RALGAPA2: variants seen among roughly 807,000 people sequenced by gnomAD.
The protein encoded by RALGAPA2 is ral GTPase-activating protein subunit alpha-2.
In RALGAPA2, 139 loss-of-function variants were observed where a neutral mutation model predicts 230.4. That is an observed-to-expected ratio of 0.60 (90% CI 0.53 to 0.69). The LOEUF (loss-of-function observed/expected upper bound fraction) is 0.69. Among genes scored for constraint, RALGAPA2 ranks in the 30% least tolerant of loss-of-function variants. The pLI is 0.00. For synonymous variants in RALGAPA2, 847 were observed against 837.8 expected (o/e 1.01, Z -0.19); for missense variants, 2,163 against 2,276.0 (o/e 0.95, Z 1.01).
chr20:20,395,094 G>T (rs552979673), intron 39 of RALGAPA2, among the ~76,000 whole-genome samples: 10 of 152,190 alleles, frequency 6.6e-5, no homozygotes, highest in African/African-American at 2.4e-4. Flanking sequence ...GCTTTGTCCC[G>T]CTGAGTGAGC....
intron 39 of RALGAPA2, among the ~76,000 whole-genome samples, chr20:20,395,964 G>A (rs1252610161): frequency 2.6e-5 from 4 of 152,308 alleles, no homozygotes; most frequent in Middle Eastern, 3.4e-3. Context: ...CCAACTGCTC[G>A]CCTTCCGCCT....
Position 20,584,760 on chromosome 20 carries a change from G to A in RALGAPA2, c.2530+105C>T, listed in dbSNP as rs774338483. The A allele has an allele frequency of 1.7e-4, 151 of 914,680 alleles. 1 individual carries two copies. Among genetic ancestry groups the A allele is most frequent in the Admixed American group, 1.0e-3 (40 of 39,350 alleles). 56.7% of individuals were successfully genotyped at this position (914,680 alleles called of 1,614,324 possible). ...TGTGCCAGAGCACTCCAGCCTGGGC[G>A]AAAGAGTGAGACTGAGTCTCTAATA... On this transcript the variant is annotated intron_variant, in intron 19 of 39. Transcript: ENST00000202677.
At chr20:20,460,257 C>T (rs984885252) in intron 37 of RALGAPA2, among the ~76,000 whole-genome samples, 1 of 152,194 alleles carries the variant, frequency 6.6e-6, no homozygotes. Context: ...ATACTTCATT[C>T]CATACATCCT....
chr20:20,589,826 A>G (rs2065234706), intron 17 of RALGAPA2, among the ~76,000 whole-genome samples: 2 of 152,134 alleles, frequency 1.3e-5, no homozygotes, highest in African/African-American at 4.8e-5. Context: ...CAAAGCCTGA[A>G]AACACTAAAG....
chr20:20,664,626 C>T (rs1487856226), intron 3 of RALGAPA2, among the ~76,000 whole-genome samples: 2 of 152,172 alleles, frequency 1.3e-5, no homozygotes, highest in Admixed American at 1.3e-4. Flanking sequence ...TGCCTGAAAA[C>T]TACTGCATTT....
At chr20:20,675,664 C>T (rs985477577) in intron 3 of RALGAPA2, among the ~76,000 whole-genome samples, 2 of 152,108 alleles carry the variant, frequency 1.3e-5, no homozygotes, top group South Asian at 2.1e-4. Flanking sequence ...CACACCCAAA[C>T]ATTGTTTCAA....
At chr20:20,507,747 G>A (rs1467671350) in intron 33 of RALGAPA2, among the ~76,000 whole-genome samples, 3 of 152,164 alleles carry the variant, frequency 2.0e-5, no homozygotes, top group Non-Finnish European at 2.9e-5. Context: ...TCACTGCCCT[G>A]AGCAACAGGC....
At chr20:20,700,831 A>C (rs1011739270) in intron 1 of RALGAPA2, among the ~76,000 whole-genome samples, 26 of 152,304 alleles carry the variant, frequency 1.7e-4, no homozygotes, top group Non-Finnish European at 3.2e-4. Context: ...CACCACTCTT[A>C]ATTCATGATC....
chr20:20,435,672 C>T (rs2060594819), intron 37 of RALGAPA2, among the ~76,000 whole-genome samples: 1 of 152,162 alleles, frequency 6.6e-6, no homozygotes, highest in East Asian at 1.9e-4. Context: ...AGATGTGGCA[C>T]AGTGTGATTT....
chr20:20,524,684 A>G, intron 29 of RALGAPA2, 141 bp from the exon 30 acceptor site: 2 of 1,300,550 alleles, frequency 1.5e-6, no homozygotes, highest in Non-Finnish European at 1.0e-6. Context: ...AAATAAATAA[A>G]TAAGTAGCAT....
intron 38 of RALGAPA2, among the ~76,000 whole-genome samples, chr20:20,404,690 C>T (rs1896782552): frequency 6.6e-6 from 1 of 152,184 alleles, no homozygotes; most frequent in Non-Finnish European, 1.5e-5. Context: ...ATTCCTGGTA[C>T]CTGCCAGCCA....
chr20:20,662,600 TGAACTG>T (rs1371133820), intron 3 of RALGAPA2, among the ~76,000 whole-genome samples: 1 of 152,216 alleles, frequency 6.6e-6, no homozygotes, highest in Non-Finnish European at 1.5e-5. Context: ...TACAGACAGT[TGAACTG>T]GTAGTACTGC....
intron 38 of RALGAPA2, among the ~76,000 whole-genome samples, chr20:20,405,299 T>G (rs2059922802): frequency 6.6e-6 from 1 of 152,212 alleles, no homozygotes; most frequent in Admixed American, 6.5e-5. Flanking sequence ...TAGCCATTTT[T>G]TTTGTGTGTG....
At chr20:20,533,629 G>A (rs2063424586) in intron 26 of RALGAPA2, among the ~76,000 whole-genome samples, 1 of 152,060 alleles carries the variant, frequency 6.6e-6, no homozygotes, top group African/African-American at 2.4e-5. Context: ...AAGCCCAGTA[G>A]TAAAAAAATT....
In RALGAPA2 at chr20:20,572,970, A is replaced by T. The variant is rs781447465; in HGVS notation, c.2806T>A (p.Leu936Met). 1 of 1,604,890 alleles carries T rather than the reference A, an allele frequency of 6.2e-7. No individual in the cohort carries two copies. The change falls in exon 21 of 40, where the codon TTG becomes ATG. Residue 936 changes from leucine to methionine, a missense_variant. Physicochemically the swap from Leu to Met is conservative, Grantham distance 15 (BLOSUM62 2). Transcript: ENST00000202677. ...DSAAVLWRRV[L>M]GILGDVNNIQ... ...TTATTCACATCTCCGAGGATCCCCA[A>T]GACCCTTCGCCATAACACAGCAGCA...
chr20:20,667,450 A>G (rs1383719125), intron 3 of RALGAPA2, among the ~76,000 whole-genome samples: 1 of 152,250 alleles, frequency 6.6e-6, no homozygotes, highest in Non-Finnish European at 1.5e-5. Context: ...CCAATCCAGC[A>G]TAACACCAAA....
At chr20:20,419,655 G>C (rs1225293230) in intron 37 of RALGAPA2, among the ~76,000 whole-genome samples, 3 of 152,220 alleles carry the variant, frequency 2.0e-5, no homozygotes, top group Non-Finnish European at 4.4e-5. Context: ...CAAAATTACT[G>C]TTGTTAGAAT....
chr20:20,548,556 A>C (rs1460931686), intron 23 of RALGAPA2, among the ~76,000 whole-genome samples: 3 of 152,164 alleles, frequency 2.0e-5, no homozygotes. Context: ...TAAGTGAAAA[A>C]GGAAGGAAGG....
At chr20:20,563,149 G>C (rs1490991930) in intron 23 of RALGAPA2, among the ~76,000 whole-genome samples, 1 of 152,144 alleles carries the variant, frequency 6.6e-6, no homozygotes, top group Non-Finnish European at 1.5e-5. Flanking sequence ...TCTCTCACCT[G>C]TCCTTATAAA....
Sources: gnomAD v4.1 joint callset for allele counts (sites outside exome capture counted in the v4.1 genomes callset) on GRCh38, gnomAD v4.1.1 for gene constraint, MANE v1.5 for transcripts, NCBI Gene and HGNC (gene_info 2026-07-23, HGNC 2026-07-21) for gene names.